Variants in DOCK8 observed in about 807,000 individuals in gnomAD.
The protein encoded by DOCK8 is dedicator of cytokinesis 8.
DOCK8 carries 141 observed loss-of-function variants against 245.6 expected under a neutral mutation model. The ratio of observed to expected loss-of-function variants is 0.57; its 90% CI spans 0.50 to 0.66. DOCK8 has a LOEUF of 0.66. Among genes scored for constraint, DOCK8 ranks in the 30% least tolerant of loss-of-function variants. The pLI, the probability that DOCK8 is intolerant of heterozygous loss-of-function variation, is 0.00. For synonymous variants in DOCK8, 1,168 were observed against 970.2 expected (o/e 1.20, Z -3.79); for missense variants, 2,965 against 2,603.4 (o/e 1.14, Z -3.02).
intron 46 of DOCK8, among the ~76,000 whole-genome samples, chr9:461,751 A>G (rs1479644349): frequency 2.0e-5 from 3 of 151,722 alleles, no homozygotes; most frequent in Non-Finnish European, 4.4e-5. Context: ...CATGTTGCCC[A>G]GTCTAGTCTT....
intron 21 of DOCK8, 149 bp from the exon 22 acceptor site, chr9:382,364 C>A: frequency 9.0e-7 from 1 of 1,111,596 alleles, no homozygotes; most frequent in Non-Finnish European, 1.3e-6. Context: ...TTGCCTCCTA[C>A]CCCAACCAGG....
intron 5 of DOCK8, among the ~76,000 whole-genome samples, chr9:310,126 G>T (rs893429128): frequency 1.3e-5 from 2 of 152,068 alleles, no homozygotes; most frequent in African/African-American, 4.8e-5. Context: ...AATTAGCCAG[G>T]CGTGGTGGCG....
chr9:339,121 C>T (rs1392580441), intron 13 of DOCK8, 22 bp downstream of exon 13: 1 of 1,603,552 alleles, frequency 6.2e-7, no homozygotes. Context: ...TTATCTTTAT[C>T]CTCTTTAGCT....
chr9:224,821 G>A (rs1211048108), intron 1 of DOCK8, among the ~76,000 whole-genome samples: 2 of 152,162 alleles, frequency 1.3e-5, no homozygotes, highest in African/African-American at 4.8e-5. Flanking sequence ...ACCTATGCAA[G>A]TAGAAAAACT....
chr9:374,339 A>G (rs528585566), intron 18 of DOCK8, among the ~76,000 whole-genome samples: 3 of 152,146 alleles, frequency 2.0e-5, no homozygotes, highest in Admixed American at 6.5e-5. Context: ...CAAAAACTTC[A>G]TGGGGAAAAA....
At chr9:223,244 C>G (rs1484419730) in intron 1 of DOCK8, among the ~76,000 whole-genome samples, 1 of 152,154 alleles carries the variant, frequency 6.6e-6, no homozygotes, top group Non-Finnish European at 1.5e-5. Flanking sequence ...TTAATAAACT[C>G]CACCGCCTCA....
chr9:304,685 G>T lies in DOCK8; in HGVS notation c.509G>T (p.Cys170Phe). 6.2e-7 allele frequency: 1 copy of T among 1,614,160 alleles called. No individual in the cohort carries two copies. The highest frequency in any genetic ancestry group is 1.1e-5 in the South Asian group (1 of 91,082). The change falls in exon 5 of 48, where the codon TGC (cysteine) becomes TTC (phenylalanine). Residue 170 changes from cysteine to phenylalanine, a missense_variant. Cys to Phe is a radical substitution (Grantham distance 205). Transcript: ENST00000432829. ...KQTFESETLECSEPAAQAGPR... is the reference protein window; with the variant it reads ...KQTFESETLEFSEPAAQAGPR... ...ACGTTTGAGTCGGAAACCTTGGAGT[G>T]CAGTGAACCCGCTGCTCAGGTATTT...
intron 25 of DOCK8, among the ~76,000 whole-genome samples, chr9:398,584 G>A (rs1258594344): frequency 6.6e-6 from 1 of 152,030 alleles, no homozygotes; most frequent in Non-Finnish European, 1.5e-5. Flanking sequence ...TTATTAATTG[G>A]GATTCATGGA....
chr9:385,867 T>C (rs906449701), intron 22 of DOCK8, among the ~76,000 whole-genome samples: 1 of 152,114 alleles, frequency 6.6e-6, no homozygotes, highest in African/African-American at 2.4e-5. Flanking sequence ...GGTTAGCAAT[T>C]TTCGAATTAT....
At chr9:217,396 A>G (rs1214154949) in intron 1 of DOCK8, among the ~76,000 whole-genome samples, 1 of 152,144 alleles carries the variant, frequency 6.6e-6, no homozygotes, top group Non-Finnish European at 1.5e-5. Flanking sequence ...TCTTGGGGCC[A>G]GTGTTTCTCC....
At chr9:429,558 C>A (rs2056631368) in intron 35 of DOCK8, 144 bp from the exon 36 acceptor site, 1 of 943,478 alleles carries the variant, frequency 1.1e-6, no homozygotes, top group Non-Finnish European at 1.6e-6. Flanking sequence ...TCTTCTGATT[C>A]ACATAGCTCA....
At chr9:314,872 C>G (rs2050276820) in intron 6 of DOCK8, among the ~76,000 whole-genome samples, 1 of 152,070 alleles carries the variant, frequency 6.6e-6, no homozygotes, top group Non-Finnish European at 1.5e-5. Flanking sequence ...ACTAGTATAT[C>G]CAAGTTATGG....
chr9:346,767 C>G (rs1307503557), intron 14 of DOCK8, among the ~76,000 whole-genome samples: 1 of 152,166 alleles, frequency 6.6e-6, no homozygotes, highest in African/African-American at 2.4e-5. Context: ...TACCCACCTT[C>G]TCTTCTGCGG....
intron 23 of DOCK8, among the ~76,000 whole-genome samples, chr9:387,092 A>G (rs1233329279): frequency 6.6e-6 from 1 of 152,220 alleles, no homozygotes; most frequent in Non-Finnish European, 1.5e-5. Context: ...TAGGCACTCA[A>G]GAATCTCACC....
intron 43 of DOCK8, among the ~76,000 whole-genome samples, chr9:444,853 C>G (rs2057202528): frequency 1.3e-5 from 2 of 152,198 alleles, no homozygotes; most frequent in Non-Finnish European, 2.9e-5. Context: ...GCCCAACTCA[C>G]ATGTCCATGA....
At chr9:312,384 G>A (rs1436502805) in intron 6 of DOCK8, 2 of 681,776 alleles carry the variant, frequency 2.9e-6, no homozygotes, top group Admixed American at 2.0e-5. Context: ...ATAACAACTG[G>A]AATTTTCATA....
Position 434,942 on chromosome 9 carries a change from C to T in DOCK8, c.5046C>T (p.His1682=), listed in dbSNP as rs1449840001. The T allele has an allele frequency of 1.9e-6, 3 of 1,613,184 alleles. No homozygotes were observed. The highest frequency in any genetic ancestry group is 1.7e-5 in the Admixed American group (1 of 59,996). The change falls in exon 39 of 48, where the codon CAC becomes CAT. Residue 1682 remains histidine (H), a synonymous_variant. Coordinates refer to ENST00000432829, the MANE Select transcript of DOCK8 (RefSeq NM_203447.4). ...AGTATCTGAGCATGCTGGAGGACCA[C>T]AGCTACCTGCCCGTGGGCAGTGTCA... ...VAEYLSMLED[H]SYLPVGSVSF...
At chr9:435,033 C>G in intron 39 of DOCK8, 58 bp downstream of exon 39, 2 of 1,590,266 alleles carry the variant, frequency 1.3e-6, no homozygotes. Context: ...GCGATTTTGT[C>G]CCCCAGCCCC....
At position 420,600 on chromosome 9, in the gene DOCK8, A is replaced by C; in HGVS notation, c.4023+17A>C. 1 of 1,613,984 alleles carries C rather than the reference A, an allele frequency of 6.2e-7. No individual in the cohort carries two copies. The highest frequency in any genetic ancestry group is 8.5e-7 in the Non-Finnish European group (1 of 1,179,904). ...GAGTATAAGGTAAGTCTGGAGTGGCACAACTTTATACCAGCTCTTATCTCT... is the reference window on the plus strand; with the variant it reads ...GAGTATAAGGTAAGTCTGGAGTGGCCCAACTTTATACCAGCTCTTATCTCT... On this transcript the variant is annotated intron_variant, in intron 31 of 47. Coordinates refer to ENST00000432829, the MANE Select transcript of DOCK8 (RefSeq NM_203447.4).
Sources: gnomAD v4.1 joint callset for allele counts (sites outside exome capture counted in the v4.1 genomes callset) on GRCh38, gnomAD v4.1.1 for gene constraint, MANE v1.5 for transcripts, NCBI Gene and HGNC (gene_info 2026-07-23, HGNC 2026-07-21) for gene names.